The following PPARGC1B variants were observed in gnomAD, a reference collection of about 807,000 sequenced individuals.
The protein encoded by PPARGC1B is peroxisome proliferator-activated receptor gamma coactivator 1-beta.
In PPARGC1B, 34 loss-of-function variants were observed where a neutral mutation model predicts 101.6. That is an observed-to-expected ratio of 0.33 (90% confidence interval 0.25 to 0.45). The LOEUF is 0.45. Ranked by LOEUF, PPARGC1B falls within the 20% of genes least tolerant of loss-of-function variation. The probability of loss-of-function intolerance (pLI) is 1.00; values close to 1 mark genes in which losing one functional copy is unlikely to be tolerated. For missense variants in PPARGC1B, 1,234 were observed against 1,317.6 expected (o/e 0.94, Z 0.98); for synonymous variants, 548 against 539.3 (o/e 1.02, Z -0.22).
At chr5:149,820,723 C>A in intron 2 of PPARGC1B, 117 bp downstream of exon 2, 1 of 1,059,148 alleles carries the variant, frequency 9.4e-7, no homozygotes, top group Non-Finnish European at 1.4e-6. Context: ...AATCCCCTCA[C>A]CCACCAAAGC....
intron 1 of PPARGC1B, among the ~76,000 whole-genome samples, chr5:149,810,128 A>G (rs139604931): frequency 1.0e-3 from 154 of 152,296 alleles, no homozygotes; most frequent in African/African-American, 3.6e-3. Context: ...GCCTAACAAC[A>G]TGTACCTGTA....
intron 1 of PPARGC1B, among the ~76,000 whole-genome samples, chr5:149,785,520 G>A (rs897262278): frequency 6.6e-5 from 10 of 152,196 alleles, no homozygotes; most frequent in African/African-American, 1.7e-4. Context: ...CAGTTTGAAC[G>A]TCTCATAAAT....
chr5:149,833,288 C>G lies in PPARGC1B; in HGVS notation c.1215C>G (p.Pro405=). 1 of 1,613,452 alleles carries G rather than the reference C, an allele frequency of 6.2e-7. No homozygotes were observed. Among genetic ancestry groups the G allele is most frequent in the Non-Finnish European group, 8.5e-7 (1 of 1,180,030 alleles). The change falls in exon 5 of 12, where the codon CCC becomes CCG. Residue 405 remains proline, a synonymous_variant. Transcript: ENST00000309241. This position sits in a 1 kb window ranked among gnomAD's most constrained non-coding sequence, Gnocchi z 4.1. ...RIAASPKSTG[P]RPSLRPLRLE... is the part of the protein sequence containing the mutation. ...CAGCTTCACCCAAGAGCACCGGGCCCAGACCAAGCCTGCGCCCACTGCGGC... is the reference window on the plus strand; with the variant it reads ...CAGCTTCACCCAAGAGCACCGGGCCGAGACCAAGCCTGCGCCCACTGCGGC...
chr5:149,812,842 G>C (rs1249915128), intron 1 of PPARGC1B, among the ~76,000 whole-genome samples: 1 of 152,220 alleles, frequency 6.6e-6, no homozygotes, highest in Non-Finnish European at 1.5e-5. Context: ...TGCTTCCCTG[G>C]ATTGCCTGGG....
At chr5:149,815,444 A>G (rs558966512) in intron 1 of PPARGC1B, among the ~76,000 whole-genome samples, 124 of 152,320 alleles carry the variant, frequency 8.1e-4, no homozygotes, top group Non-Finnish European at 1.5e-3. Flanking sequence ...AGACTCTCAG[A>G]AGGAACCATT....
intron 1 of PPARGC1B, among the ~76,000 whole-genome samples, chr5:149,798,914 T>A (rs1434809156): frequency 6.6e-6 from 1 of 152,016 alleles, no homozygotes; most frequent in Non-Finnish European, 1.5e-5. Context: ...ATGGGCCAAA[T>A]ATTACCAAGC....
Position 149,730,359 on chromosome 5 carries a change from G to A in PPARGC1B, c.17G>A (p.Cys6Tyr). ...GGCTGGAAGATGGCGGGGAACGACT[G>A]CGGCGCGCTGCTGGACGAAGAGCTC... MAGNDCGALLDEELSS... is the reference protein window; with the variant it reads MAGNDYGALLDEELSS... Residue 6 changes from cysteine to tyrosine, a missense_variant, in exon 1 of 12, where the codon TGC becomes TAC. Physicochemically the swap from Cys to Tyr is radical, Grantham distance 194 (BLOSUM62 -2). Around this residue, in one of 3 missense-constraint regions of PPARGC1B, gnomAD observed 734 missense variants for 768.4 expected, o/e 0.96. Transcript: ENST00000309241. The surrounding 1 kb of genome is among the most constrained non-coding windows in gnomAD (Gnocchi z 4.0). 6.4e-7 allele frequency: 1 copy of A among 1,568,098 alleles called. No homozygotes were observed. Among genetic ancestry groups the A allele is most frequent in the South Asian group, 1.2e-5 (1 of 84,330 alleles).
chr5:149,851,627 T>TC lies in PPARGC1B; in HGVS notation c.*4071dup, dbSNP rs5872148. ...TGGCCAAAGAAGAGGGACCCTGTCA[T>TC]CCTTACCAATGGGGAAGAAGAAAAC... is the stretch of plus-strand genomic sequence containing the variant. On this transcript the variant is annotated 3_prime_UTR_variant, in exon 12 of 12. Coordinates refer to ENST00000309241, the MANE Select transcript of PPARGC1B (RefSeq NM_133263.4). 0.073 allele frequency: 11,120 copies of TC among 152,276 alleles called. 539 individuals are homozygous for TC. The highest frequency in any genetic ancestry group is 0.16 in the Admixed American group (2,405 of 15,286). 9.4% of individuals were successfully genotyped at this position (152,276 alleles called of 1,614,324 possible).
rs142788730 is a variant in PPARGC1B, at chr5:149,755,615, G to GTTA, written c.78+25225_78+25227dup. On this transcript the variant is annotated intron_variant, in intron 1 of 11. Coordinates refer to ENST00000309241, the MANE Select transcript of PPARGC1B (RefSeq NM_133263.4). ...TGTTGTTGTTATTATTATTATTATT[G>GTTA]TTATTATTATTATTATTATTATTAT... Among the ~76,000 whole-genome samples, 470 of 137,130 alleles carry GTTA rather than the reference G, an allele frequency of 3.4e-3. 2 individuals carry two copies. Among genetic ancestry groups the GTTA allele is most frequent in the East Asian group, 7.0e-3 (34 of 4,844 alleles). 90.0% of individuals were successfully genotyped at this position (137,130 alleles called of 152,430 possible). A position where few individuals can be genotyped will look rare whatever the true frequency, so the allele number is the denominator to read the frequency against.
intron 1 of PPARGC1B, among the ~76,000 whole-genome samples, chr5:149,789,886 G>A (rs61619008): frequency 0.05 from 7,573 of 152,228 alleles, 568 homozygotes; most frequent in African/African-American, 0.17. Context: ...GCCTGCTGTG[G>A]TCTGTATGTC....
chr5:149,827,378 G>A (rs1022060669), intron 3 of PPARGC1B, among the ~76,000 whole-genome samples: 4 of 152,200 alleles, frequency 2.6e-5, no homozygotes, highest in East Asian at 1.9e-4. Flanking sequence ...GGCTCTGCAC[G>A]TTGCTTTCAC....
rs187015706 is a variant in PPARGC1B at position 149,778,793 on chromosome 5, A to G, written c.79-41640A>G. ...TGGGTGACCACAGATAAAACCTGGC[A>G]CTCATGGCCTCAGTTTCATTGTTTG... On this transcript the variant is annotated intron_variant, in intron 1 of 11. Coordinates refer to ENST00000309241, the MANE Select transcript of PPARGC1B (RefSeq NM_133263.4). 4.4e-3 allele frequency among the ~76,000 whole-genome samples: 670 copies of G among 152,166 alleles called. 3 individuals carry two copies. Among genetic ancestry groups the G allele is most frequent in the African/African-American group, 0.015 (638 of 41,498 alleles).
Position 149,852,770 on chromosome 5 carries a change from A to AT in PPARGC1B, c.*5214dup, listed in dbSNP as rs1309339116. The stretch of plus-strand genomic sequence containing the variant: ...GCTTTTCACACATTTCTTTCAAATG[A>AT]TTGTAAAACATATGGGGCAACAGGA... On this transcript the variant is annotated 3_prime_UTR_variant, in exon 12 of 12. Transcript: ENST00000309241. The AT allele has an allele frequency of 4.0e-5, 6 of 149,820 alleles. No individual in the cohort carries two copies. Among genetic ancestry groups the AT allele is most frequent in the African/African-American group, 1.5e-4 (6 of 40,554 alleles). The allele number at this position is 149,820 out of a possible 1,614,324, so 9.3% of individuals were successfully genotyped here.
chr5:149,812,759 TCCTGGTATTTG>T (rs1472680031), intron 1 of PPARGC1B, among the ~76,000 whole-genome samples: 3 of 152,240 alleles, frequency 2.0e-5, no homozygotes, highest in Admixed American at 1.3e-4. Context: ...TCCTGCAGTT[TCCTGGTATTTG>T]CCATGACCCA....
At chr5:149,846,808 T>A (rs188428554) in intron 11 of PPARGC1B, 1 of 154,982 alleles carries the variant, frequency 6.5e-6, no homozygotes, top group Non-Finnish European at 1.4e-5. Context: ...TAGTGTTGGC[T>A]GGGTGCAGTT....
chr5:149,835,435 T>C, intron 7 of PPARGC1B, 70 bp downstream of exon 7: 3 of 1,396,098 alleles, frequency 2.1e-6, no homozygotes. Flanking sequence ...TTTTTCATCA[T>C]GCATGGGCAA....
At chr5:149,793,431 C>T (rs1038790732) in intron 1 of PPARGC1B, among the ~76,000 whole-genome samples, 2 of 152,040 alleles carry the variant, frequency 1.3e-5, no homozygotes, top group African/African-American at 4.8e-5. Context: ...AAAAGAAGGC[C>T]CTTATACTGC....
chr5:149,787,277 T>G (rs1268500785), intron 1 of PPARGC1B, among the ~76,000 whole-genome samples: 1 of 152,126 alleles, frequency 6.6e-6, no homozygotes, highest in Admixed American at 6.5e-5. Context: ...GGCCCTCTGG[T>G]TGCCCAGGAC....
At chr5:149,765,683 T>TC (rs1755883368) in intron 1 of PPARGC1B, among the ~76,000 whole-genome samples, 1 of 151,834 alleles carries the variant, frequency 6.6e-6, no homozygotes, top group South Asian at 2.1e-4. Context: ...ACGGGGAAAC[T>TC]CCGTGTGTAC....
Sources: gnomAD v4.1 joint callset for allele counts (sites outside exome capture counted in the v4.1 genomes callset) on GRCh38, gnomAD v4.1.1 for gene constraint, gnomAD v4.1.1 regional missense constraint, Gnocchi (gnomAD v3.1) non-coding constraint, MANE v1.5 for transcripts, NCBI Gene and HGNC (gene_info 2026-07-23, HGNC 2026-07-21) for gene names.